CMTM4: variants seen among roughly 807,000 people sequenced by gnomAD.
CMTM4 encodes CKLF-like MARVEL transmembrane domain-containing protein 4.
CMTM4 carries 8 observed loss-of-function variants against 19.0 expected under a neutral mutation model. The ratio of observed to expected loss-of-function variants is 0.42; its 90% CI spans 0.25 to 0.76. The LOEUF is 0.76. Among genes scored for constraint, CMTM4 ranks in the 30% least tolerant of loss-of-function variants. The pLI is 0.27. For missense variants in CMTM4, 228 were observed against 290.2 expected, an observed-to-expected ratio of 0.79 and a Z score of 1.56; for synonymous variants, 106 against 121.1, an observed-to-expected ratio of 0.88 and a Z score of 0.82.
intron 1 of CMTM4, among the ~76,000 whole-genome samples, chr16:66,651,582 G>A (rs993751406): frequency 6.6e-6 from 1 of 152,098 alleles, no homozygotes; most frequent in African/African-American, 2.4e-5. Context: ...TAGATAAGAT[G>A]CCTAACATAT....
intron 2 of CMTM4, among the ~76,000 whole-genome samples, chr16:66,631,002 T>C (rs2015849338): frequency 6.7e-6 from 1 of 148,568 alleles, no homozygotes; most frequent in Non-Finnish European, 1.5e-5. Flanking sequence ...GTCTGAGAAG[T>C]GAGGAGACCC....
chr16:66,682,205 G>C (rs2016928223), intron 1 of CMTM4, among the ~76,000 whole-genome samples: 1 of 152,166 alleles, frequency 6.6e-6, no homozygotes, highest in Non-Finnish European at 1.5e-5. Context: ...AGGGGTGAAT[G>C]ATAGCATTTT....
chr16:66,657,490 G>A (rs1249496837), intron 1 of CMTM4, among the ~76,000 whole-genome samples: 2 of 152,120 alleles, frequency 1.3e-5, no homozygotes, highest in Non-Finnish European at 2.9e-5. Flanking sequence ...CATCAAGTCT[G>A]TACTCTCAAA....
At chr16:66,610,213 G>C (rs995696972), downstream of CMTM4, among the ~76,000 whole-genome samples, 1 of 152,174 alleles carries the variant, frequency 6.6e-6, no homozygotes, top group Non-Finnish European at 1.5e-5. The surrounding 1 kb of genome is among the most constrained non-coding windows in gnomAD (Gnocchi z 4.6). Flanking sequence ...GCCTTTCTAG[G>C]AGGGGCAAGC....
chr16:66,611,818 T>A (rs1358886577), downstream of CMTM4, among the ~76,000 whole-genome samples: 5 of 152,122 alleles, frequency 3.3e-5, no homozygotes, highest in African/African-American at 1.2e-4. Context: ...AAATTGTTTC[T>A]GATTACAATA....
chr16:66,693,962 C>A (rs2017183226), intron 1 of CMTM4, among the ~76,000 whole-genome samples: 1 of 151,938 alleles, frequency 6.6e-6, no homozygotes, highest in Non-Finnish European at 1.5e-5. Context: ...GCGGAGGTTG[C>A]AGTGAGCCAA....
intron 2 of CMTM4, among the ~76,000 whole-genome samples, chr16:66,626,934 TACA>T (rs1262709029): frequency 2.0e-5 from 3 of 151,690 alleles, no homozygotes; most frequent in Non-Finnish European, 4.4e-5. Flanking sequence ...ACCCTGTCTC[TACA>T]AAAAAATTCA....
intron 1 of CMTM4, among the ~76,000 whole-genome samples, chr16:66,645,841 T>C (rs748907867): frequency 6.6e-6 from 1 of 151,844 alleles, no homozygotes; most frequent in Non-Finnish European, 1.5e-5. Context: ...TAGCCGAGTG[T>C]GGTGGTGGGC....
intron 1 of CMTM4, among the ~76,000 whole-genome samples, chr16:66,683,776 A>T (rs959152740): frequency 2.6e-5 from 4 of 151,378 alleles, no homozygotes; most frequent in Non-Finnish European, 5.9e-5. Context: ...ATAGTAAGGC[A>T]GAGTGGGGTG....
chr16:66,608,729 G>T, the CMTM4 span, among the ~76,000 whole-genome samples: 5 of 152,154 alleles, frequency 3.3e-5, no homozygotes, highest in Non-Finnish European at 7.4e-5. The surrounding 1 kb of genome is among the most constrained non-coding windows in gnomAD (Gnocchi z 5.1). Flanking sequence ...GGTGGCGCCG[G>T]TGCTCCCCAC....
At chr16:66,639,772 C>T (rs1567411712) in intron 1 of CMTM4, among the ~76,000 whole-genome samples, 1 of 151,968 alleles carries the variant, frequency 6.6e-6, no homozygotes, top group Non-Finnish European at 1.5e-5. Flanking sequence ...AATCCCAGCA[C>T]ATCAAAAGGC....
intron 2 of CMTM4, among the ~76,000 whole-genome samples, chr16:66,627,204 T>C (rs554422348): frequency 6.6e-6 from 1 of 152,270 alleles, no homozygotes; most frequent in Admixed American, 6.5e-5. Flanking sequence ...GGTATTTCCA[T>C]AATGGAACAC....
Position 66,620,165 on chromosome 16 carries a change from C to T in CMTM4, c.*1893G>A. Reference sequence around the variant, plus strand: ...ATTTCTGATAAAGCTCAGGATGGTCCTTCCAAGTGGGCCCCATTTAATGCA... The same window carrying T: ...ATTTCTGATAAAGCTCAGGATGGTCTTTCCAAGTGGGCCCCATTTAATGCA... On this transcript the variant is annotated 3_prime_UTR_variant, in exon 4 of 4. Coordinates refer to ENST00000394106, the MANE Select transcript of CMTM4 (RefSeq NM_181521.3). 1.0e-6 allele frequency: 1 copy of T among 985,442 alleles called. No individual in the cohort carries two copies. Among genetic ancestry groups the T allele is most frequent in the Non-Finnish European group, 1.2e-6 (1 of 829,934 alleles). The allele number at this position is 985,442 out of a possible 1,614,324, so 61.0% of individuals were successfully genotyped here.
At chr16:66,673,071 A>ATTTTTTTTT (rs758565705) in intron 1 of CMTM4, among the ~76,000 whole-genome samples, 206 of 86,768 alleles carry the variant, frequency 2.4e-3, no homozygotes, top group Non-Finnish European at 2.9e-3. Context: ...CACCACACCA[A>ATTTTTTTTT]TTTTTTTTTT....
At chr16:66,643,352 G>A (rs2016131581) in intron 1 of CMTM4, among the ~76,000 whole-genome samples, 2 of 152,322 alleles carry the variant, frequency 1.3e-5, no homozygotes, top group Middle Eastern at 3.4e-3. Flanking sequence ...TTTCACATAT[G>A]CTCTGACACC....
chr16:66,627,335 T>C (rs1468167325), intron 2 of CMTM4, among the ~76,000 whole-genome samples: 1 of 152,222 alleles, frequency 6.6e-6, no homozygotes, highest in East Asian at 1.9e-4. Flanking sequence ...ACAACACACA[T>C]GCATACGCAA....
At chr16:66,676,484 G>C (rs533073084) in intron 1 of CMTM4, among the ~76,000 whole-genome samples, 5 of 152,106 alleles carry the variant, frequency 3.3e-5, no homozygotes, top group Admixed American at 3.3e-4. Flanking sequence ...CAGCTCCCAG[G>C]GCCACCAAAC....
chr16:66,648,315 A>G (rs537456551), intron 1 of CMTM4, among the ~76,000 whole-genome samples: 10 of 152,302 alleles, frequency 6.6e-5, no homozygotes, highest in East Asian at 1.9e-4. Flanking sequence ...GCTTTTCCCA[A>G]CTGCTACGAG....
At chr16:66,637,612 A>G (rs1419008741) in intron 1 of CMTM4, among the ~76,000 whole-genome samples, 1 of 152,246 alleles carries the variant, frequency 6.6e-6, no homozygotes, top group Non-Finnish European at 1.5e-5. Context: ...CTAAGAGTTC[A>G]TAGATCATAA....
Sources: gnomAD v4.1 joint callset for allele counts (sites outside exome capture counted in the v4.1 genomes callset) on GRCh38, gnomAD v4.1.1 for gene constraint, Gnocchi (gnomAD v3.1) non-coding constraint, MANE v1.5 for transcripts, NCBI Gene and HGNC (gene_info 2026-07-23, HGNC 2026-07-21) for gene names.